Variants in FSD1L observed in about 807,000 individuals in gnomAD.
The protein encoded by FSD1L is fibronectin type III and SPRY domain containing 1 like.
A neutral mutation model predicts 71.6 loss-of-function variants in FSD1L; 45 were observed. The observed-to-expected ratio is 0.63, with a 90% CI of 0.49 to 0.81. The LOEUF is 0.81. Among genes scored for constraint, FSD1L ranks in the 30% least tolerant of loss-of-function variants. The pLI, the probability that FSD1L is intolerant of heterozygous loss-of-function variation, is 0.00. For missense variants in FSD1L, 561 were observed against 618.1 expected (o/e 0.91, Z 0.98); for synonymous variants, 197 against 207.2 (o/e 0.95, Z 0.42).
chr9:105,539,047 T>TA (rs1395504201), intron 12 of FSD1L, among the ~76,000 whole-genome samples: 1 of 152,230 alleles, frequency 6.6e-6, no homozygotes, highest in Admixed American at 6.5e-5. Context: ...ATAGAGGTAT[T>TA]ATAGAGGTCT....
chr9:105,448,644 C>CA (rs1829784768), intron 1 of FSD1L, among the ~76,000 whole-genome samples: 1 of 152,130 alleles, frequency 6.6e-6, no homozygotes, highest in Non-Finnish European at 1.5e-5. Flanking sequence ...TCCCTGCTGA[C>CA]GCCGAAAGCT....
intron 13 of FSD1L, among the ~76,000 whole-genome samples, chr9:105,543,529 AC>A (rs1836767458): frequency 6.6e-6 from 1 of 152,062 alleles, no homozygotes; most frequent in African/African-American, 2.4e-5. Context: ...GGTGTGCTGC[AC>A]CCATTAACTC....
At chr9:105,539,036 T>C (rs944149128) in intron 12 of FSD1L, among the ~76,000 whole-genome samples, 3 of 152,138 alleles carry the variant, frequency 2.0e-5, no homozygotes, top group Non-Finnish European at 4.4e-5. Flanking sequence ...CGTGCTAGAT[T>C]ATAGAGGTAT....
intron 7 of FSD1L, among the ~76,000 whole-genome samples, chr9:105,498,886 A>G (rs143289820): frequency 6.6e-6 from 1 of 152,218 alleles, no homozygotes; most frequent in Admixed American, 6.5e-5. Context: ...CCAAAGTGCA[A>G]AGATTACAGG....
At chr9:105,527,769 A>G (rs1486333158) in intron 10 of FSD1L, among the ~76,000 whole-genome samples, 1 of 152,140 alleles carries the variant, frequency 6.6e-6, no homozygotes, top group Non-Finnish European at 1.5e-5. Context: ...ACTCCTACTC[A>G]ACATAGTATT....
chr9:105,524,190 C>T (rs1216354699), intron 10 of FSD1L: 17 of 1,612,248 alleles, frequency 1.1e-5, no homozygotes, highest in Non-Finnish European at 1.4e-5. Flanking sequence ...TCATCATCCT[C>T]AAATTAAGGA....
chr9:105,533,977 C>T (rs775970425), intron 10 of FSD1L, among the ~76,000 whole-genome samples: 28 of 152,010 alleles, frequency 1.8e-4, no homozygotes, highest in Non-Finnish European at 2.8e-4. Flanking sequence ...CCTGCCTTGG[C>T]GCCTCCCAAA....
intron 9 of FSD1L, among the ~76,000 whole-genome samples, 174 bp downstream of exon 9, chr9:105,508,889 C>T (rs937878529): frequency 3.9e-5 from 6 of 152,258 alleles, no homozygotes; most frequent in African/African-American, 1.4e-4. Flanking sequence ...TAGTGGTTTT[C>T]ATTGGGTTTT....
In FSD1L at chr9:105,545,433, T is replaced by G. The variant is rs576416103; in HGVS notation, c.1468-925T>G. ...CCTTTATTTCTTTCTCCTGCCTGAT[T>G]GCTCTGGCCAGAACTTCCAACACTA... On this transcript the variant is annotated intron_variant, in intron 13 of 13. Coordinates refer to ENST00000481272, the MANE Select transcript of FSD1L (RefSeq NM_001145313.3). 7.5e-5 allele frequency among the ~76,000 whole-genome samples: 11 copies of G among 146,018 alleles called. No homozygotes were observed. In the South Asian group the frequency reaches 2.2e-3, roughly 29 times the overall value.
At chr9:105,473,870 A>C (rs1030231719) in intron 5 of FSD1L, among the ~76,000 whole-genome samples, 1 of 152,048 alleles carries the variant, frequency 6.6e-6, no homozygotes, top group Non-Finnish European at 1.5e-5. Context: ...TGTTTCTGTT[A>C]TAATTTGTTC....
Position 105,461,553 on chromosome 9 carries a change from G to A in FSD1L, c.49G>A (p.Asp17Asn). 1 of 1,551,640 alleles carries A rather than the reference G, an allele frequency of 6.4e-7. No homozygotes were observed. Among genetic ancestry groups the A allele is most frequent in the Non-Finnish European group, 8.7e-7 (1 of 1,146,756 alleles). ...TAAGGAGAATGAAAACGTTACAGTT[G>A]ATAAAGCCTGTTTTCTGATCTCTAA... ...CFKENENVTV[D>N]KACFLISNIT... The change falls in exon 2 of 14, where the codon GAT becomes AAT. Residue 17 changes from aspartate to asparagine, a missense_variant. Transcript: ENST00000481272.
chr9:105,517,798 T>C (rs936542765), intron 10 of FSD1L, among the ~76,000 whole-genome samples: 4 of 152,116 alleles, frequency 2.6e-5, no homozygotes, highest in African/African-American at 9.7e-5. Flanking sequence ...AGGATCAAGT[T>C]CACACACAAC....
intron 11 of FSD1L, 119 bp from the exon 12 acceptor site, chr9:105,534,942 ATTATTC>A: frequency 1.2e-6 from 1 of 860,098 alleles, no homozygotes; most frequent in Non-Finnish European, 1.8e-6. Context: ...TGTTAACATG[ATTATTC>A]TTATAGGAAA....
intron 5 of FSD1L, among the ~76,000 whole-genome samples, chr9:105,476,230 G>A (rs1265168580): frequency 1.3e-5 from 2 of 152,136 alleles, no homozygotes; most frequent in East Asian, 3.9e-4. Flanking sequence ...TTCTTTACTC[G>A]TATTACAGTT....
In FSD1L at chr9:105,512,819, A is replaced by G; in HGVS notation, c.908A>G (p.Asn303Ser). The change falls in exon 10 of 14, where the codon AAT (asparagine) becomes AGT (serine). Residue 303 changes from asparagine to serine, a missense_variant. Asn to Ser is a conservative substitution (Grantham distance 46). Coordinates refer to ENST00000481272, the MANE Select transcript of FSD1L (RefSeq NM_001145313.3). ...VTLETKALNF[N>S]LDNSSSHLNL... ...TTATCTTGAATAGCACTTAACTTCA[A>G]TTTGGATAACTCCTCATCCCATTTG... 1 of 1,501,726 alleles carries G rather than the reference A, an allele frequency of 6.7e-7. No individual in the cohort carries two copies. The highest frequency in any genetic ancestry group is 8.9e-7 in the Non-Finnish European group (1 of 1,118,898). The allele number at this position is 1,501,726 out of a possible 1,614,324, so 93.0% of individuals were successfully genotyped here.
chr9:105,513,543 T>C, intron 10 of FSD1L: 2 of 1,399,316 alleles, frequency 1.4e-6, no homozygotes, highest in Non-Finnish European at 1.9e-6. Context: ...CATTATAAGC[T>C]GTTAAATTTA....
In FSD1L at chr9:105,466,829, G is replaced by A. The variant is rs577598135; in HGVS notation, c.208-1364G>A. 7.5e-4 allele frequency among the ~76,000 whole-genome samples: 114 copies of A among 152,156 alleles called. 1 individual carries two copies. Among genetic ancestry groups the A allele is most frequent in the African/African-American group, 2.7e-3 (113 of 41,508 alleles). ...TGTGGACAAGCGAATCATCACATTTGGTATCTGGAAAGAGAGATCTTATGT... is the reference window on the plus strand; with the variant it reads ...TGTGGACAAGCGAATCATCACATTTAGTATCTGGAAAGAGAGATCTTATGT... On this transcript the variant is annotated intron_variant, in intron 3 of 13. Coordinates refer to ENST00000481272, the MANE Select transcript of FSD1L (RefSeq NM_001145313.3).
intron 13 of FSD1L, among the ~76,000 whole-genome samples, chr9:105,542,865 CAG>C (rs1564155888): frequency 6.6e-6 from 1 of 152,132 alleles, no homozygotes; most frequent in Non-Finnish European, 1.5e-5. Flanking sequence ...CTGAACATTT[CAG>C]AGAGAAGTTT....
chr9:105,449,510 CAT>C (rs1419467670), intron 1 of FSD1L, among the ~76,000 whole-genome samples: 1 of 152,192 alleles, frequency 6.6e-6, no homozygotes, highest in Admixed American at 6.5e-5. Flanking sequence ...AGTCCGGAGA[CAT>C]GGGTTCCAGG....
Sources: gnomAD v4.1 joint callset for allele counts (sites outside exome capture counted in the v4.1 genomes callset) on GRCh38, gnomAD v4.1.1 for gene constraint, MANE v1.5 for transcripts, NCBI Gene and HGNC (gene_info 2026-07-23, HGNC 2026-07-21) for gene names.